The following GCLC variants were observed in gnomAD, a reference collection of about 807,000 sequenced individuals.
The protein encoded by GCLC is glutamate--cysteine ligase catalytic subunit.
Under a neutral mutation model 81.5 loss-of-function variants are expected in GCLC, and 30 were observed. That is an observed-to-expected ratio of 0.37 (90% CI 0.28 to 0.50). The LOEUF (loss-of-function observed/expected upper bound fraction) is 0.50, where lower values mean the gene tolerates loss of function less well. Among genes scored for constraint, GCLC ranks in the 20% least tolerant of loss-of-function variants. The probability of loss-of-function intolerance (pLI) is 0.96; values close to 1 mark genes in which losing one functional copy is unlikely to be tolerated. For missense variants in GCLC, 556 were observed against 777.4 expected (o/e 0.72, Z 3.39); for synonymous variants, 262 against 273.3 (o/e 0.96, Z 0.41).
rs1209220092 is a variant in GCLC at position 53,544,809 on chromosome 6, C to T, written c.-164G>A. 7 of 584,420 alleles carry T rather than the reference C, an allele frequency of 1.2e-5. No individual in the cohort carries two copies. Among genetic ancestry groups the T allele is most frequent in the African/African-American group, 8.0e-5 (4 of 50,206 alleles). The allele number at this position is 584,420 out of a possible 1,614,324, so 36.2% of individuals were successfully genotyped here. A position where few individuals can be genotyped will look rare whatever the true frequency, so the allele number is the denominator to read the frequency against. ...AGGGAGGGTCCTGCCCGCTCCGGCT[C>T]CCCGGCGGCGGCCCCTGGCGCCCAG... On this transcript the variant is annotated 5_prime_UTR_variant, in exon 1 of 16. Transcript: ENST00000650454.
At chr6:53,500,546 A>G (rs1034961255) in intron 12 of GCLC, 33 bp from the exon 13 acceptor site, 3 of 1,448,904 alleles carry the variant, frequency 2.1e-6, no homozygotes, top group Non-Finnish European at 2.9e-6. Context: ...ACTAAGTCAA[A>G]ATATTCTTGA....
At chr6:53,512,693 A>G (rs1389004753) in intron 6 of GCLC, among the ~76,000 whole-genome samples, 1 of 152,230 alleles carries the variant, frequency 6.6e-6, no homozygotes. Context: ...CACTAGATGG[A>G]AAAATTCTAT....
chr6:53,522,710 G>A (rs1203800795), intron 1 of GCLC, 183 bp from the exon 2 acceptor site: 2 of 539,326 alleles, frequency 3.7e-6, no homozygotes, highest in Non-Finnish European at 6.7e-6. Context: ...CCTGTAGAAA[G>A]GATCAGTCAG....
At chr6:53,542,837 T>C (rs1032551641) in intron 1 of GCLC, among the ~76,000 whole-genome samples, 1 of 152,132 alleles carries the variant, frequency 6.6e-6, no homozygotes, top group African/African-American at 2.4e-5. Context: ...GGTGAAACCC[T>C]ATCTCTACTA....
intron 2 of GCLC, among the ~76,000 whole-genome samples, chr6:53,521,381 C>T (rs1458090714): frequency 6.6e-6 from 1 of 152,044 alleles, no homozygotes; most frequent in Non-Finnish European, 1.5e-5. Flanking sequence ...TCTTGAACTC[C>T]TGGCCTTAAG....
chr6:53,504,777 T>C (rs3799694), intron 12 of GCLC, among the ~76,000 whole-genome samples: 29,252 of 152,058 alleles, frequency 0.19, 4,569 homozygotes, highest in East Asian at 0.44. Context: ...CTCCATTCTC[T>C]GGCCCCGAAA....
At chr6:53,536,709 A>G (rs189319854) in intron 1 of GCLC, among the ~76,000 whole-genome samples, 70 of 152,352 alleles carry the variant, frequency 4.6e-4, no homozygotes, top group African/African-American at 1.5e-3. Flanking sequence ...CTGAACATAC[A>G]GAGTCTTACT....
intron 1 of GCLC, among the ~76,000 whole-genome samples, chr6:53,542,407 C>T (rs1424670454): frequency 6.6e-6 from 1 of 152,186 alleles, no homozygotes; most frequent in Non-Finnish European, 1.5e-5. Context: ...AGGCTCTACT[C>T]TTCAGCTCTT....
intron 1 of GCLC, among the ~76,000 whole-genome samples, chr6:53,527,896 C>A (rs777980677): frequency 2.0e-5 from 3 of 152,218 alleles, no homozygotes; most frequent in African/African-American, 4.8e-5. Context: ...ACCCTCTCGC[C>A]TGTCAAAGAC....
chr6:53,500,911 C>T (rs569634166), intron 12 of GCLC: 15 of 317,018 alleles, frequency 4.7e-5, no homozygotes, highest in African/African-American at 3.0e-4. Context: ...AGGACTAGAA[C>T]CCAGTTCTTC....
At chr6:53,536,243 T>A (rs1190421031) in intron 1 of GCLC, among the ~76,000 whole-genome samples, 1 of 152,214 alleles carries the variant, frequency 6.6e-6, no homozygotes, top group Non-Finnish European at 1.5e-5. Context: ...AACTATGATT[T>A]CTTAAATATG....
At chr6:53,530,322 G>A (rs1367458767) in intron 1 of GCLC, among the ~76,000 whole-genome samples, 2 of 152,198 alleles carry the variant, frequency 1.3e-5, no homozygotes, top group African/African-American at 2.4e-5. Context: ...TTCAGGAATC[G>A]TACCTGGGTG....
In GCLC at chr6:53,514,368, G is replaced by C. The variant is rs539664109; in HGVS notation, c.620-31C>G. On this transcript the variant is annotated intron_variant, in intron 5 of 15. Transcript: ENST00000650454. ...TTATAAAAATACAAAAATAAAAATG[G>C]TTTAGAATCCAGGATTAAACAACAA... 4.4e-6 allele frequency: 7 copies of C among 1,589,854 alleles called. No homozygotes were observed. The African/African-American group carries it at 9.4e-5, about 21-fold the overall frequency.
chr6:53,519,081 C>T lies in GCLC; in HGVS notation c.446+1697G>A, dbSNP rs1762937281. On this transcript the variant is annotated intron_variant, in intron 3 of 15. Transcript: ENST00000650454. ...CTGGCACCAGCTCCACAGCTACTCT[C>T]ACACTACAGCCCAAGTGAGGGCTGC... Among the ~76,000 whole-genome samples the T allele has an allele frequency of 2.6e-5, 4 of 152,234 alleles. No homozygotes were observed. In the South Asian group the frequency reaches 8.3e-4, roughly 32 times the overall value.
rs775523829 is a variant in GCLC, at chr6:53,505,878, A to G, written c.1215T>C (p.Asn405=). 9 of 1,606,456 alleles carry G rather than the reference A, an allele frequency of 5.6e-6. No individual in the cohort carries two copies. The highest frequency in any genetic ancestry group is 5.4e-5 in the African/African-American group (4 of 74,742). Reference sequence around the variant, plus strand: ...GGGGCTTAAATCTCATTGTCTGCCAATTTGTGGACTGAATATTCTGTGATA... The same window carrying G: ...GGGGCTTAAATCTCATTGTCTGCCAGTTTGTGGACTGAATATTCTGTGATA... ...SDHFENIQST[N]WQTMRFKPPP... Residue 405 remains asparagine, a synonymous_variant, in exon 11 of 16, where the codon AAT becomes AAC. Coordinates refer to ENST00000650454, the MANE Select transcript of GCLC (RefSeq NM_001498.4).
chr6:53,517,656 G>A (rs1216074255), intron 3 of GCLC, among the ~76,000 whole-genome samples: 4 of 152,168 alleles, frequency 2.6e-5, no homozygotes, highest in Non-Finnish European at 4.4e-5. Context: ...TGGATGAAGA[G>A]AGAATGAGAA....
chr6:53,514,497 A>T lies in GCLC; in HGVS notation c.561T>A (p.Ser187Arg). Residue 187 changes from serine (S) to arginine (R), a missense_variant and splice_region_variant, in exon 5 of 16, where the codon AGT becomes AGA. Around this residue, in one of 3 missense-constraint regions of GCLC, gnomAD observed 234 missense variants for 303.8 expected, o/e 0.77. Coordinates refer to ENST00000650454, the MANE Select transcript of GCLC (RefSeq NM_001498.4). Reference protein sequence around the residue: ...DEAINKHPRFSTLTRNIRHRR... With the variant: ...DEAINKHPRFRTLTRNIRHRR... ...TATGTCGGATATTTCTTGTTAAGGT[A>T]CTAAAACAGACAACCAAACGTCATA... 1 of 1,611,260 alleles carries T rather than the reference A, an allele frequency of 6.2e-7. No homozygotes were observed. The highest frequency in any genetic ancestry group is 1.1e-5 in the South Asian group (1 of 91,020).
At chr6:53,528,298 G>C (rs1763117167) in intron 1 of GCLC, among the ~76,000 whole-genome samples, 1 of 152,164 alleles carries the variant, frequency 6.6e-6, no homozygotes, top group African/African-American at 2.4e-5. Flanking sequence ...TGTTAGATAT[G>C]TCTAATGATG....
At chr6:53,521,176 A>T (rs964281871) in intron 2 of GCLC, among the ~76,000 whole-genome samples, 2 of 152,084 alleles carry the variant, frequency 1.3e-5, no homozygotes, top group Admixed American at 1.3e-4. Context: ...TTCTTTTGAG[A>T]CAGAGTCTCG....
Sources: allele counts gnomAD v4.1 joint callset (sites outside exome capture counted in the v4.1 genomes callset), GRCh38; gene constraint gnomAD v4.1.1; regional missense constraint gnomAD v4.1.1; transcripts MANE v1.5; gene names NCBI Gene and HGNC (gene_info 2026-07-23, HGNC 2026-07-21).